The following ALOX5AP variants were observed in gnomAD, a reference collection of about 807,000 sequenced individuals.
The protein encoded by ALOX5AP is arachidonate 5-lipoxygenase-activating protein.
Under a neutral mutation model 18.5 loss-of-function variants are expected in ALOX5AP, and 9 were observed. That is an observed-to-expected ratio of 0.49 (90% CI 0.29 to 0.85). ALOX5AP has a LOEUF of 0.85. ALOX5AP is among the 40% of genes least tolerant of loss of function. The pLI, the probability that ALOX5AP is intolerant of heterozygous loss-of-function variation, is 0.08. For missense variants in ALOX5AP, 172 were observed against 202.5 expected (o/e 0.85, Z 0.91); for synonymous variants, 81 against 78.6 (o/e 1.03, Z -0.16).
intron 4 of ALOX5AP, among the ~76,000 whole-genome samples, chr13:30,763,322 A>AAAC: frequency 6.6e-6 from 1 of 152,324 alleles, no homozygotes; most frequent in East Asian, 1.9e-4. Flanking sequence ...ACAAAGAAAC[A>AAAC]AACAACAACA....
intron 1 of ALOX5AP, among the ~76,000 whole-genome samples, chr13:30,740,718 G>T (rs536579506): frequency 6.6e-6 from 1 of 152,184 alleles, no homozygotes; most frequent in South Asian, 2.1e-4. Context: ...GGATAGGGAA[G>T]ATCTGTGCGT....
upstream of ALOX5AP, among the ~76,000 whole-genome samples, chr13:30,734,403 T>C (rs1951704836): frequency 6.6e-6 from 1 of 152,234 alleles, no homozygotes; most frequent in Non-Finnish European, 1.5e-5. Context: ...CTGCTGCCAC[T>C]AGTTACAGTG....
intron 1 of ALOX5AP, among the ~76,000 whole-genome samples, chr13:30,724,377 T>C (rs1386951328): frequency 2.0e-5 from 3 of 152,240 alleles, no homozygotes; most frequent in East Asian, 3.8e-4. Flanking sequence ...TGAACTATTT[T>C]GAATCCTAAA....
chr13:30,739,760 C>T (rs991709583), intron 1 of ALOX5AP, among the ~76,000 whole-genome samples: 1 of 152,186 alleles, frequency 6.6e-6, no homozygotes, highest in African/African-American at 2.4e-5. Context: ...TCTTGTTTTA[C>T]AGATAAGCAA....
intron 1 of ALOX5AP, among the ~76,000 whole-genome samples, chr13:30,718,843 C>G (rs1402106399): frequency 6.6e-6 from 1 of 152,214 alleles, no homozygotes; most frequent in African/African-American, 2.4e-5. Context: ...CCACTGAACT[C>G]CTGGACACTC....
chr13:30,728,751 G>A (rs1951657508), intron 1 of ALOX5AP, among the ~76,000 whole-genome samples: 1 of 152,200 alleles, frequency 6.6e-6, no homozygotes, highest in African/African-American at 2.4e-5. Context: ...AGGAGGCTGA[G>A]GTGGGAGATT....
chr13:30,746,435 A>G (rs1314355029), intron 2 of ALOX5AP, among the ~76,000 whole-genome samples: 1 of 152,226 alleles, frequency 6.6e-6, no homozygotes, highest in African/African-American at 2.4e-5. Flanking sequence ...AACTGTCTGG[A>G]CACTGCTGCG....
At chr13:30,726,640 G>A (rs879706864) in intron 1 of ALOX5AP, among the ~76,000 whole-genome samples, 1 of 152,168 alleles carries the variant, frequency 6.6e-6, no homozygotes, top group African/African-American at 2.4e-5. Flanking sequence ...TAATAGTGTT[G>A]AATATGTCTT....
intron 2 of ALOX5AP, among the ~76,000 whole-genome samples, chr13:30,747,864 T>C (rs1248368215): frequency 6.6e-6 from 1 of 152,172 alleles, no homozygotes; most frequent in Non-Finnish European, 1.5e-5. Flanking sequence ...TCATGTCGCT[T>C]CTCCCTGCAT....
At chr13:30,746,912 T>C (rs556794082) in intron 2 of ALOX5AP, among the ~76,000 whole-genome samples, 12 of 152,300 alleles carry the variant, frequency 7.9e-5, no homozygotes, top group East Asian at 1.9e-4. Context: ...AAAAACAGCA[T>C]GAAGGATAAA....
intron 1 of ALOX5AP, among the ~76,000 whole-genome samples, chr13:30,721,612 G>C (rs1951594625): frequency 6.6e-6 from 1 of 152,116 alleles, no homozygotes; most frequent in Admixed American, 6.5e-5. Context: ...TGCTCTCCCT[G>C]TCTCTGTGCT....
intron 1 of ALOX5AP, among the ~76,000 whole-genome samples, chr13:30,736,327 T>C (rs560456500): frequency 2.6e-4 from 40 of 152,196 alleles, no homozygotes; most frequent in Middle Eastern, 3.4e-3. Context: ...CGTTTGCATT[T>C]CCATTATTCC....
upstream of ALOX5AP, among the ~76,000 whole-genome samples, chr13:30,734,585 C>A (rs3809376): frequency 0.012 from 1,838 of 152,302 alleles, 30 homozygotes; most frequent in East Asian, 0.1. Flanking sequence ...CCTCACCCAC[C>A]CAGCAGGTCC....
chr13:30,733,745 T>C (rs569577261), upstream of ALOX5AP, among the ~76,000 whole-genome samples: 1 of 152,222 alleles, frequency 6.6e-6, no homozygotes, highest in Non-Finnish European at 1.5e-5. Flanking sequence ...AGGGCCTGAA[T>C]AGAACAAAAA....
At chr13:30,713,537 A>C in exon 1 of ALOX5AP, 1 of 565,642 alleles carries the variant, frequency 1.8e-6, no homozygotes, top group East Asian at 2.9e-5. Context: ...ATGGGGTTGA[A>C]AGGGCCCGGA....
chr13:30,730,718 C>T (rs949522520), upstream of ALOX5AP, among the ~76,000 whole-genome samples: 5 of 151,542 alleles, frequency 3.3e-5, no homozygotes, highest in South Asian at 2.1e-4. Context: ...GGCATAGTGG[C>T]CCCGTTGCCA....
At chr13:30,730,516 G>A (rs1252270110) in intron 1 of ALOX5AP, among the ~76,000 whole-genome samples, 1 of 152,192 alleles carries the variant, frequency 6.6e-6, no homozygotes, top group East Asian at 1.9e-4. Flanking sequence ...GTAGACCTGG[G>A]CTGTATCTCT....
upstream of ALOX5AP, among the ~76,000 whole-genome samples, chr13:30,733,440 G>C (rs539091359): frequency 6.6e-6 from 1 of 152,314 alleles, no homozygotes; most frequent in South Asian, 2.1e-4. Flanking sequence ...AAACTCCTTG[G>C]CTACCAAAAC....
chr13:30,755,837 G>A (rs1951888941), intron 3 of ALOX5AP, 107 bp from the exon 4 acceptor site: 2 of 1,057,778 alleles, frequency 1.9e-6, no homozygotes, highest in South Asian at 2.7e-5. Context: ...CCTGAAGTGC[G>A]TGTGTCTTCT....
Sources: gnomAD v4.1 joint callset for allele counts (sites outside exome capture counted in the v4.1 genomes callset) on GRCh38, gnomAD v4.1.1 for gene constraint, MANE v1.5 for transcripts, NCBI Gene and HGNC (gene_info 2026-07-23, HGNC 2026-07-21) for gene names.